Variants in GNE observed in about 807,000 individuals in gnomAD.
GNE encodes the protein bifunctional UDP-N-acetylglucosamine 2-epimerase/N-acetylmannosamine kinase.
In GNE, 41 loss-of-function variants were observed where a neutral mutation model predicts 61.8. The ratio of observed to expected loss-of-function variants is 0.66; its 90% CI spans 0.52 to 0.86. The LOEUF (loss-of-function observed/expected upper bound fraction) is 0.86, where lower values mean the gene tolerates loss of function less well. GNE is among the 40% of genes least tolerant of loss of function. The pLI, the probability that GNE is intolerant of heterozygous loss-of-function variation, is 0.00. For missense variants in GNE, 608 were observed against 909.1 expected (o/e 0.67, Z 4.26); for synonymous variants, 264 against 326.4 (o/e 0.81, Z 2.06).
At chr9:36,254,876 C>A (rs1361099646) in intron 1 of GNE, among the ~76,000 whole-genome samples, 3 of 151,672 alleles carry the variant, frequency 2.0e-5, no homozygotes, top group African/African-American at 7.3e-5. Flanking sequence ...CACTTGAACC[C>A]GGGAGGCGGA....
At chr9:36,222,707 C>T (rs565585989) in intron 9 of GNE, 70 bp downstream of exon 9, 57 of 1,050,940 alleles carry the variant, frequency 5.4e-5, no homozygotes, top group East Asian at 2.4e-4. Context: ...TTGTAACCAC[C>T]TGACCATGTT....
In GNE at chr9:36,219,408, A is replaced by T. The variant is rs115971661; in HGVS notation, c.1816+430T>A. Among the ~76,000 whole-genome samples, 309 of 152,162 alleles carry T rather than the reference A, an allele frequency of 2.0e-3. 1 individual carries two copies. Among genetic ancestry groups the T allele is most frequent in the African/African-American group, 7.2e-3 (297 of 41,514 alleles). On this transcript the variant is annotated intron_variant, in intron 10 of 11. Coordinates refer to ENST00000642385, the MANE Select transcript of GNE (RefSeq NM_005476.7). ...CACTCCCCATCTCTTTTCCTTCAGC[A>T]TATGCTCACAAATTGGTTTTGGGGG...
intron 9 of GNE, among the ~76,000 whole-genome samples, chr9:36,221,267 G>A (rs1828574433): frequency 6.6e-6 from 1 of 152,180 alleles, no homozygotes. Context: ...AGCTGAGATT[G>A]TGCGACTGCA....
Position 36,249,344 on chromosome 9 carries a change from A to C in GNE, c.12T>G (p.Asn4Lys). Residue 4 changes from asparagine (N) to lysine (K), a missense_variant, in exon 2 of 12, where the codon AAT becomes AAG. By Grantham distance (94) the Asn-to-Lys change is moderately conservative (BLOSUM62 0). Coordinates refer to ENST00000642385, the MANE Select transcript of GNE (RefSeq NM_005476.7). ...AAACCCGCAGCTTTCGGTTATTTCC[A>C]TTCTTCTCCATGATTTGCTTGTTTC... MEK[N>K]GNNRKLRVCV... The C allele has an allele frequency of 1.9e-6, 3 of 1,613,842 alleles. No individual in the cohort carries two copies. Among genetic ancestry groups the C allele is most frequent in the Non-Finnish European group, 2.5e-6 (3 of 1,179,752 alleles).
rs1828701463 is a variant in GNE, at chr9:36,223,468, G to C, written c.1316C>G (p.Pro439Arg). Residue 439 changes from proline to arginine, a missense_variant, in exon 8 of 12, where the codon CCT becomes CGT. Pro to Arg is a moderately radical substitution (Grantham distance 103). Transcript: ENST00000642385. ...ATTAATCCTCTCTTCATAGGTTTTA[G>C]GATTGAACTGAGTATACTTCTTAAC... ...EIVKKYTQFN[P>R]KTYEERINLI... 1.9e-6 allele frequency: 3 copies of C among 1,610,512 alleles called. No individual in the cohort carries two copies. Among genetic ancestry groups the C allele is most frequent in the Non-Finnish European group, 2.5e-6 (3 of 1,177,144 alleles).
rs1156461504 is a variant in GNE at position 36,236,928 on chromosome 9, CAG to C, written c.671_672del (p.Thr224ArgfsTer3). ...YIVALQHPVTTDIKHSIKMFE... is the reference protein window; with the variant it reads ...YIVALQHPVTXDIKHSIKMFE... ...AACATTTTTATGGAATGCTTAATGT[CAG>C]TGGTCACAGGGTGCTGTAGTGCAAC... On this transcript the variant is annotated frameshift_variant, in exon 4 of 12. Coordinates refer to ENST00000642385, the MANE Select transcript of GNE (RefSeq NM_005476.7). LOFTEE classifies it high-confidence loss of function. The C allele has an allele frequency of 6.2e-7, 1 of 1,610,938 alleles. No homozygotes were observed. Among genetic ancestry groups the C allele is most frequent in the Non-Finnish European group, 8.5e-7 (1 of 1,177,156 alleles).
At chr9:36,245,769 A>T (rs961319398) in intron 3 of GNE, among the ~76,000 whole-genome samples, 2 of 152,234 alleles carry the variant, frequency 1.3e-5, no homozygotes, top group East Asian at 3.8e-4. Flanking sequence ...CTTATAACTA[A>T]TATATTTAAT....
chr9:36,218,245 G>C lies in GNE; in HGVS notation c.1871C>G (p.Ala624Gly). The C allele has an allele frequency of 6.2e-7, 1 of 1,613,924 alleles. No individual in the cohort carries two copies. Residue 624 changes from alanine (A) to glycine (G), a missense_variant, in exon 11 of 12, where the codon GCG becomes GGG. Transcript: ENST00000642385. This position sits in a 1 kb window ranked among gnomAD's most constrained non-coding sequence, Gnocchi z 4.1. ...TTTCGCAGCTTGGATGAGATGGAGC[G>C]CACCCACAGCCTCATCTTTTGGCAC... Reference protein sequence around the residue: ...MSVPKDEAVGALHLIQAAKLG... With the variant: ...MSVPKDEAVGGLHLIQAAKLG...
intron 3 of GNE, among the ~76,000 whole-genome samples, chr9:36,240,249 G>A (rs1365209104): frequency 6.6e-6 from 1 of 152,154 alleles, no homozygotes; most frequent in Non-Finnish European, 1.5e-5. Context: ...AATTCTCAGA[G>A]GGAATGCTTT....
chr9:36,226,491 A>G (rs956422579), intron 7 of GNE, among the ~76,000 whole-genome samples: 6 of 152,194 alleles, frequency 3.9e-5, no homozygotes, highest in Admixed American at 3.9e-4. Flanking sequence ...GCCTTCTATT[A>G]GTTTTTAAAA....
At chr9:36,264,283 C>A (rs1279492195) in intron 1 of GNE, among the ~76,000 whole-genome samples, 1 of 152,012 alleles carries the variant, frequency 6.6e-6, no homozygotes, top group East Asian at 1.9e-4. Context: ...CAGGCAGGCA[C>A]CACGATGCCC....
chr9:36,258,498 AC>A (rs1830492602), upstream of GNE: 1 of 985,428 alleles, frequency 1.0e-6, no homozygotes, highest in Non-Finnish European at 1.2e-6. Context: ...AGCCACGCCC[AC>A]CCGGAGTGCC....
Position 36,217,483 on chromosome 9 carries a change from C to T in GNE, c.2051G>A (p.Arg684His), listed in dbSNP as rs549097855. Residue 684 changes from arginine (R) to histidine (H), a missense_variant, in exon 12 of 12, where the codon CGC becomes CAC. Transcript: ENST00000642385. ...HYIHIVKDVIRQQALSSVQDV... is the reference protein window; with the variant it reads ...HYIHIVKDVIHQQALSSVQDV... ...CTGCACGGAGGACAAGGCCTGCTGG[C>T]GAATGACGTCTTTGACAATGTGGAT... 11 of 1,613,878 alleles carry T rather than the reference C, an allele frequency of 6.8e-6. No homozygotes were observed. The highest frequency in any genetic ancestry group is 4.5e-5 in the East Asian group (2 of 44,890).
Position 36,227,346 on chromosome 9 carries a change from T to C in GNE, c.1183A>G (p.Asn395Asp). The C allele has an allele frequency of 6.2e-7, 1 of 1,611,060 alleles. No homozygotes were observed. The highest frequency in any genetic ancestry group is 8.5e-7 in the Non-Finnish European group (1 of 1,177,166). The change falls in exon 7 of 12, where the codon AAT (asparagine) becomes GAT (aspartate). Residue 395 changes from asparagine (N) to aspartate (D), a missense_variant. Coordinates refer to ENST00000642385, the MANE Select transcript of GNE (RefSeq NM_005476.7). ...KKFCFPPVKE[N>D]ISQDIDHILE... ...ATATGGTCAATATCTTGAGAGATAT[T>C]CTCCTTCACAGGAGGAAAGCAGAAT...
intron 6 of GNE, among the ~76,000 whole-genome samples, chr9:36,228,032 CAAAAAAAA>C (rs1385568208): frequency 2.1e-5 from 1 of 46,904 alleles, no homozygotes; most frequent in African/African-American, 7.2e-5. Context: ...GACTCCGTCT[CAAAAAAAA>C]AAAAAAAAAA....
intron 1 of GNE, among the ~76,000 whole-genome samples, chr9:36,271,445 C>G (rs1419925693): frequency 6.6e-6 from 1 of 152,216 alleles, no homozygotes; most frequent in Non-Finnish European, 1.5e-5. Context: ...ACGATCTCAG[C>G]TCACTGAAAC....
intron 7 of GNE, among the ~76,000 whole-genome samples, chr9:36,226,797 G>A (rs1384173546): frequency 6.6e-6 from 1 of 152,202 alleles, no homozygotes; most frequent in Non-Finnish European, 1.5e-5. Context: ...TTGAAGGTAT[G>A]CTGTACTCAA....
chr9:36,256,502 C>T (rs1350159684), intron 1 of GNE, among the ~76,000 whole-genome samples: 1 of 152,104 alleles, frequency 6.6e-6, no homozygotes, highest in Non-Finnish European at 1.5e-5. Flanking sequence ...GCATTGGCCT[C>T]CCAAAGTGCT....
intron 8 of GNE, 89 bp from the exon 9 acceptor site, chr9:36,223,087 A>T: frequency 1.6e-6 from 2 of 1,227,644 alleles, no homozygotes; most frequent in Non-Finnish European, 2.4e-6. Flanking sequence ...ACACAGATTC[A>T]TTCACCCCAG....
Sources: gnomAD v4.1 joint callset for allele counts (sites outside exome capture counted in the v4.1 genomes callset) on GRCh38, gnomAD v4.1.1 for gene constraint, Gnocchi (gnomAD v3.1) non-coding constraint, MANE v1.5 for transcripts, NCBI Gene and HGNC (gene_info 2026-07-23, HGNC 2026-07-21) for gene names.